BBS9: variants seen among roughly 807,000 people sequenced by gnomAD.
BBS9 encodes the protein Bardet-Biedl syndrome 9, also known as protein PTHB1.
BBS9 carries 89 observed loss-of-function variants against 117.7 expected under a neutral mutation model. That is an observed-to-expected ratio of 0.76 (90% confidence interval 0.64 to 0.90). BBS9 has a LOEUF of 0.90. Among genes scored for constraint, BBS9 ranks in the 40% least tolerant of loss-of-function variants. The pLI is 0.00. For synonymous variants in BBS9, 379 were observed against 370.9 expected (o/e 1.02, Z -0.25); for missense variants, 982 against 1,042.2 (o/e 0.94, Z 0.80).
At chr7:33,333,160 G>A (rs79422688) in intron 9 of BBS9, among the ~76,000 whole-genome samples, 11,567 of 152,040 alleles carry the variant, frequency 0.076, 1,062 homozygotes, top group African/African-American at 0.22. Context: ...ACCTGTCATC[G>A]AGAAGTATAT....
chr7:33,500,720 C>T lies in BBS9; in HGVS notation c.2116-4743C>T, dbSNP rs528777841. Among the ~76,000 whole-genome samples the T allele has an allele frequency of 1.8e-4, 28 of 152,260 alleles. No homozygotes were observed. The South Asian group carries it at 4.6e-3, about 25-fold the overall frequency. ...TTTAGGTGAAGAAATTGGACATGTC[C>T]GTGTTCACATAGTATGATGATTCAT... On this transcript the variant is annotated intron_variant, in intron 19 of 22. Transcript: ENST00000242067.
intron 17 of BBS9, among the ~76,000 whole-genome samples, chr7:33,371,737 A>T (rs1038867439): frequency 6.6e-6 from 1 of 152,172 alleles, no homozygotes; most frequent in Non-Finnish European, 1.5e-5. Flanking sequence ...CTGAAAAAAA[A>T]TAGTGAGAAA....
chr7:33,173,559 G>A (rs1408071153), intron 4 of BBS9, among the ~76,000 whole-genome samples: 4 of 148,172 alleles, frequency 2.7e-5, no homozygotes, highest in South Asian at 2.1e-4. Flanking sequence ...GCAACAGAGC[G>A]AGACTCCATC....
At chr7:33,309,625 A>G (rs1584248814) in intron 9 of BBS9, among the ~76,000 whole-genome samples, 1 of 152,334 alleles carries the variant, frequency 6.6e-6, no homozygotes, top group East Asian at 1.9e-4. Context: ...GAGAAAGAAA[A>G]GCTTGGTTTC....
intron 16 of BBS9, among the ~76,000 whole-genome samples, chr7:33,361,311 A>C (rs1241875243): frequency 1.3e-5 from 2 of 152,192 alleles, no homozygotes; most frequent in Admixed American, 1.3e-4. Flanking sequence ...ATAGTCTTTT[A>C]TGTTGCTCAA....
intron 21 of BBS9, among the ~76,000 whole-genome samples, chr7:33,582,551 C>T (rs978302357): frequency 2.6e-5 from 4 of 151,632 alleles, no homozygotes; most frequent in African/African-American, 9.7e-5. Context: ...CACACACATA[C>T]ACACACTGCA....
At chr7:33,177,877 G>T (rs1368670078) in intron 5 of BBS9, 1 of 323,598 alleles carries the variant, frequency 3.1e-6, no homozygotes. Flanking sequence ...AACATTGGAA[G>T]TCTTTGATTT....
intron 5 of BBS9, among the ~76,000 whole-genome samples, chr7:33,214,739 A>G (rs891044171): frequency 6.6e-6 from 1 of 152,260 alleles, no homozygotes; most frequent in African/African-American, 2.4e-5. Flanking sequence ...ATGCTTATAG[A>G]TGGGGATAAC....
chr7:33,400,394 G>A (rs2128788317), intron 19 of BBS9, among the ~76,000 whole-genome samples: 1 of 152,246 alleles, frequency 6.6e-6, no homozygotes, highest in Middle Eastern at 3.4e-3. Flanking sequence ...GTAATTGTAT[G>A]AGGATTTCTT....
intron 15 of BBS9, 154 bp from the exon 16 acceptor site, chr7:33,357,701 A>T: frequency 1.3e-6 from 1 of 782,516 alleles, no homozygotes; most frequent in Non-Finnish European, 2.2e-6. Context: ...ATGAATCATG[A>T]TAATAATTTA....
chr7:33,536,590 G>A (rs1207772819), intron 21 of BBS9, among the ~76,000 whole-genome samples: 2 of 147,600 alleles, frequency 1.4e-5, no homozygotes, highest in Non-Finnish European at 3.0e-5. Flanking sequence ...CCAGCCCACT[G>A]TGCTTCCCTC....
intron 21 of BBS9, among the ~76,000 whole-genome samples, chr7:33,581,146 G>A (rs1012814438): frequency 1.3e-5 from 2 of 150,180 alleles, no homozygotes; most frequent in Non-Finnish European, 3.0e-5. Context: ...TTTTTTATTT[G>A]TTTTTTTTTG....
At chr7:33,513,494 CATA>C (rs1265258286) in intron 20 of BBS9, among the ~76,000 whole-genome samples, 1 of 152,164 alleles carries the variant, frequency 6.6e-6, no homozygotes, top group Non-Finnish European at 1.5e-5. Flanking sequence ...CATGTATTTT[CATA>C]ATGTCTCACA....
chr7:33,163,608 T>G (rs1211242089), intron 4 of BBS9, among the ~76,000 whole-genome samples: 1 of 152,200 alleles, frequency 6.6e-6, no homozygotes, highest in Non-Finnish European at 1.5e-5. Context: ...ATTTTCTAGT[T>G]TTTTTGCATA....
intron 19 of BBS9, among the ~76,000 whole-genome samples, chr7:33,501,221 A>G (rs932991005): frequency 3.3e-5 from 5 of 152,194 alleles, no homozygotes; most frequent in Admixed American, 2.6e-4. Flanking sequence ...TGATGGGTGT[A>G]GTTTTTCCAG....
At chr7:33,400,530 C>A (rs960230569) in intron 19 of BBS9, among the ~76,000 whole-genome samples, 4 of 152,090 alleles carry the variant, frequency 2.6e-5, no homozygotes, top group African/African-American at 9.7e-5. Context: ...ACCCTTATAA[C>A]CCTCACAATC....
intron 16 of BBS9, among the ~76,000 whole-genome samples, chr7:33,360,322 A>T (rs941138047): frequency 2.0e-5 from 3 of 152,268 alleles, no homozygotes; most frequent in Non-Finnish European, 2.9e-5. Flanking sequence ...TGTGAAATTG[A>T]CTTCCTTAAG....
intron 21 of BBS9, among the ~76,000 whole-genome samples, chr7:33,614,101 C>G (rs1389716251): frequency 1.3e-5 from 2 of 152,062 alleles, no homozygotes; most frequent in South Asian, 4.1e-4. Flanking sequence ...CTGTGCCAAA[C>G]CAGCTTTCAC....
intron 21 of BBS9, among the ~76,000 whole-genome samples, chr7:33,536,310 T>C (rs934280099): frequency 1.3e-5 from 2 of 152,162 alleles, no homozygotes; most frequent in African/African-American, 4.8e-5. Flanking sequence ...CTCCCACTTG[T>C]CTTGATCTAA....
Sources: gnomAD v4.1 joint callset for allele counts (sites outside exome capture counted in the v4.1 genomes callset) on GRCh38, gnomAD v4.1.1 for gene constraint, MANE v1.5 for transcripts, NCBI Gene and HGNC (gene_info 2026-07-23, HGNC 2026-07-21) for gene names.